Variants in COMMD1 observed in about 807,000 individuals in gnomAD.
COMMD1 encodes COMM domain-containing protein 1.
A neutral mutation model predicts 17.2 loss-of-function variants in COMMD1; 10 were observed. That is an observed-to-expected ratio of 0.58 (90% CI 0.36 to 0.99). The LOEUF (loss-of-function observed/expected upper bound fraction) is 0.99. Among genes scored for constraint, COMMD1 ranks in the 50% least tolerant of loss-of-function variants. The pLI, the probability that COMMD1 is intolerant of heterozygous loss-of-function variation, is 0.01. For synonymous variants in COMMD1, 97 were observed against 91.6 expected (o/e 1.06, Z -0.34); for missense variants, 270 against 231.8 (o/e 1.17, Z -1.07).
chr2:62,032,884 C>T (rs765575601), intron 2 of COMMD1, among the ~76,000 whole-genome samples: 21 of 152,200 alleles, frequency 1.4e-4, no homozygotes, highest in African/African-American at 2.9e-4. Flanking sequence ...GATTCTCCTG[C>T]CTCAGCCTCC....
intron 2 of COMMD1, among the ~76,000 whole-genome samples, chr2:62,008,582 G>T (rs1047040611): frequency 6.6e-6 from 1 of 152,144 alleles, no homozygotes; most frequent in East Asian, 1.9e-4. Flanking sequence ...TGTAATGCAA[G>T]CAATACAAAT....
chr2:62,008,790 A>AC (rs1669196345), intron 2 of COMMD1, among the ~76,000 whole-genome samples: 1 of 142,890 alleles, frequency 7.0e-6, no homozygotes, highest in Non-Finnish European at 1.5e-5. Context: ...TTGTTTATTT[A>AC]TTTACTTACT....
chr2:61,893,754 C>T (rs144139353), intron 1 of COMMD1, among the ~76,000 whole-genome samples: 260 of 150,668 alleles, frequency 1.7e-3, no homozygotes, highest in African/African-American at 5.6e-3. Context: ...GCGGAGGTTG[C>T]AGTGAGCTGA....
intron 1 of COMMD1, among the ~76,000 whole-genome samples, chr2:61,962,666 A>T (rs995325672): frequency 6.6e-6 from 1 of 152,154 alleles, no homozygotes; most frequent in Admixed American, 6.5e-5. Flanking sequence ...TCCCTGGTGA[A>T]CAGTACTCTG....
intron 1 of COMMD1, among the ~76,000 whole-genome samples, chr2:61,927,910 G>A (rs980559616): frequency 7.2e-5 from 11 of 151,944 alleles, no homozygotes; most frequent in Non-Finnish European, 1.3e-4. Context: ...GATTACAGGC[G>A]CATGCCACCA....
rs142079929 is a variant in COMMD1, at chr2:61,909,117, G to C, written c.180+3259G>C. Among the ~76,000 whole-genome samples the C allele has an allele frequency of 6.9e-3, 1,045 of 151,988 alleles. 8 individuals carry two copies. Among genetic ancestry groups the C allele is most frequent in the Non-Finnish European group, 0.011 (745 of 67,976 alleles). ...CTAATTTTGTATTTTTAGTAGCGAT[G>C]GGGTTTCTCCACGTTGGTCAGGCTG... On this transcript the variant is annotated intron_variant, in intron 1 of 2. Transcript: ENST00000311832.
chr2:61,932,689 A>T (rs957301086), intron 1 of COMMD1, among the ~76,000 whole-genome samples: 2 of 152,142 alleles, frequency 1.3e-5, no homozygotes, highest in Non-Finnish European at 2.9e-5. Context: ...CCCTTGCTGG[A>T]CTTGTGACAG....
Position 62,112,943 on chromosome 2 carries a change from T to C in COMMD1, c.463-22888T>C, listed in dbSNP as rs184856460. Among the ~76,000 whole-genome samples the C allele has an allele frequency of 1.2e-4, 19 of 152,296 alleles. No homozygotes were observed. The East Asian group carries it at 3.5e-3, about 28-fold the overall frequency. On this transcript the variant is annotated intron_variant, in intron 2 of 2. Coordinates refer to ENST00000311832, the MANE Select transcript of COMMD1 (RefSeq NM_152516.4). ...TGCAAAGACTCTTTTCTAACCCTAATCTTCAAAATGTTCTAAATATACTGA... is the reference window on the plus strand; with the variant it reads ...TGCAAAGACTCTTTTCTAACCCTAACCTTCAAAATGTTCTAAATATACTGA...
intron 1 of COMMD1, among the ~76,000 whole-genome samples, chr2:61,966,461 A>G (rs1267070167): frequency 6.6e-6 from 1 of 152,168 alleles, no homozygotes; most frequent in African/African-American, 2.4e-5. Flanking sequence ...CCCAATTGAA[A>G]CACTAGTTGG....
chr2:61,956,997 C>T (rs369316160), intron 1 of COMMD1, among the ~76,000 whole-genome samples: 97 of 152,104 alleles, frequency 6.4e-4, no homozygotes, highest in African/African-American at 2.0e-3. Flanking sequence ...GTGATCCACC[C>T]GCCTCGGCCT....
chr2:61,935,883 C>T (rs1226406765), intron 1 of COMMD1, among the ~76,000 whole-genome samples: 5 of 151,698 alleles, frequency 3.3e-5, no homozygotes, highest in Non-Finnish European at 7.4e-5. Context: ...GTGGAGCTAT[C>T]TCAGCTCACT....
intron 1 of COMMD1, among the ~76,000 whole-genome samples, chr2:61,953,835 T>G (rs1185042315): frequency 2.0e-5 from 3 of 152,192 alleles, no homozygotes; most frequent in Non-Finnish European, 4.4e-5. Flanking sequence ...AATTTTTAAT[T>G]TTTAATTTTT....
intron 1 of COMMD1, among the ~76,000 whole-genome samples, chr2:61,917,556 C>G (rs1001503879): frequency 2.0e-5 from 3 of 151,246 alleles, no homozygotes; most frequent in Non-Finnish European, 2.9e-5. Context: ...GAGACGGAGT[C>G]TCGCTGTGTC....
chr2:62,129,887 C>G (rs368930723), intron 2 of COMMD1, among the ~76,000 whole-genome samples: 1 of 152,136 alleles, frequency 6.6e-6, no homozygotes. Flanking sequence ...AATAAAGAGT[C>G]CCTTTGAGCC....
chr2:61,943,791 C>G (rs753502321), intron 1 of COMMD1, among the ~76,000 whole-genome samples: 6 of 152,098 alleles, frequency 3.9e-5, no homozygotes, highest in Non-Finnish European at 5.9e-5. Context: ...GCCGAGATCC[C>G]GCCATTGCAC....
At chr2:62,092,656 C>T (rs1309761838) in intron 2 of COMMD1, among the ~76,000 whole-genome samples, 4 of 152,044 alleles carry the variant, frequency 2.6e-5, no homozygotes, top group African/African-American at 4.8e-5. Context: ...TCTTTGGGGT[C>T]GTCAGCCCCC....
chr2:61,889,202 C>CTTTTTT (rs34949326), intron 1 of COMMD1, among the ~76,000 whole-genome samples: 2,062 of 54,778 alleles, frequency 0.038, 474 homozygotes, highest in Non-Finnish European at 0.045. Flanking sequence ...GAAGCCCGGC[C>CTTTTTT]TTTTTTTTTT....
intron 2 of COMMD1, among the ~76,000 whole-genome samples, chr2:62,083,868 C>T (rs1183795473): frequency 6.6e-6 from 1 of 152,152 alleles, no homozygotes; most frequent in Non-Finnish European, 1.5e-5. Context: ...ATTCTTAGTT[C>T]CTAGAGACTA....
intron 1 of COMMD1, among the ~76,000 whole-genome samples, chr2:61,938,322 C>T (rs1464381327): frequency 2.6e-5 from 4 of 151,330 alleles, no homozygotes; most frequent in East Asian, 3.9e-4. Context: ...TCTGGGGGCA[C>T]GCTCCACTGG....
Sources: gnomAD v4.1 joint callset for allele counts (sites outside exome capture counted in the v4.1 genomes callset) on GRCh38, gnomAD v4.1.1 for gene constraint, MANE v1.5 for transcripts, NCBI Gene and HGNC (gene_info 2026-07-23, HGNC 2026-07-21) for gene names.